The following AFAP1 variants were observed in gnomAD, a reference collection of about 807,000 sequenced individuals.
AFAP1 encodes actin filament associated protein 1.
A neutral mutation model predicts 93.9 loss-of-function variants in AFAP1; 75 were observed. The observed-to-expected ratio is 0.80, with a 90% CI of 0.66 to 0.97. The LOEUF (loss-of-function observed/expected upper bound fraction) is 0.97, where lower values mean the gene tolerates loss of function less well. Ranked by LOEUF, AFAP1 falls within the 50% of genes least tolerant of loss-of-function variation. The pLI, the probability that AFAP1 is intolerant of heterozygous loss-of-function variation, is 0.00. For missense variants in AFAP1, 1,201 were observed against 1,050.8 expected (o/e 1.14, Z -1.98); for synonymous variants, 517 against 430.7 (o/e 1.20, Z -2.48).
At chr4:7,875,552 G>A (rs1343517133) in intron 1 of AFAP1, among the ~76,000 whole-genome samples, 2 of 151,594 alleles carry the variant, frequency 1.3e-5, no homozygotes, top group Admixed American at 6.6e-5. Flanking sequence ...CCAGGAGTTC[G>A]AGGCTGCAGT....
intron 10 of AFAP1, among the ~76,000 whole-genome samples, chr4:7,795,347 C>CA (rs11371658): frequency 0.013 from 1,537 of 121,162 alleles, 31 homozygotes; most frequent in African/African-American, 0.045. Context: ...TGGATTAAAA[C>CA]AAAAAAAACC....
chr4:7,912,290 A>G (rs758054733), intron 1 of AFAP1, among the ~76,000 whole-genome samples: 1 of 152,216 alleles, frequency 6.6e-6, no homozygotes, highest in Admixed American at 6.5e-5. Flanking sequence ...GTGAAGGTTA[A>G]GTCTTCATTT....
chr4:7,810,699 G>A (rs1284258776), intron 8 of AFAP1, among the ~76,000 whole-genome samples: 1 of 152,204 alleles, frequency 6.6e-6, no homozygotes, highest in African/African-American at 2.4e-5. Flanking sequence ...AATGATGCCT[G>A]GCTTCCTTTG....
intron 5 of AFAP1, among the ~76,000 whole-genome samples, chr4:7,839,253 T>C (rs1387501509): frequency 6.6e-6 from 1 of 152,076 alleles, no homozygotes; most frequent in Non-Finnish European, 1.5e-5. Context: ...GGAGGATCCC[T>C]TGAGCCTGGG....
chr4:7,838,635 G>A lies in AFAP1; in HGVS notation c.615C>T (p.Tyr205=), dbSNP rs776761489. 10 of 1,614,040 alleles carry A rather than the reference G, an allele frequency of 6.2e-6. No homozygotes were observed. In the East Asian group the frequency reaches 1.1e-4, roughly 18 times the overall value. Residue 205 remains tyrosine (Y), a synonymous_variant, in exon 6 of 18, where the codon TAC becomes TAT. Coordinates refer to ENST00000420658, the MANE Select transcript of AFAP1 (RefSeq NM_001134647.2). ...ELPLQGCNIT[Y]IPKDSKKKKH... is the part of the protein sequence containing the mutation. ...TCTTCTTTTTGCTGTCTTTCGGGAT[G>A]TACGTAATGTTACAGCCTTGGAGTG...
At chr4:7,905,220 A>G (rs1560229626) in intron 1 of AFAP1, among the ~76,000 whole-genome samples, 1 of 152,224 alleles carries the variant, frequency 6.6e-6, no homozygotes, top group Non-Finnish European at 1.5e-5. Flanking sequence ...ATTTCAGCTC[A>G]AGCTGAAATC....
chr4:7,885,350 C>A (rs1404409279), intron 1 of AFAP1, among the ~76,000 whole-genome samples: 1 of 152,202 alleles, frequency 6.6e-6, no homozygotes, highest in Non-Finnish European at 1.5e-5. Flanking sequence ...GTATGCTTAA[C>A]CCTGTGTGTC....
chr4:7,795,102 T>C (rs1020055329), intron 10 of AFAP1, among the ~76,000 whole-genome samples: 1 of 152,322 alleles, frequency 6.6e-6, no homozygotes, highest in Non-Finnish European at 1.5e-5. Flanking sequence ...TATAAGTAAT[T>C]GTAAATATTC....
intron 1 of AFAP1, among the ~76,000 whole-genome samples, chr4:7,872,924 T>C (rs1717172147): frequency 1.4e-5 from 2 of 143,634 alleles, no homozygotes; most frequent in East Asian, 4.1e-4. Context: ...AGGTTTTTTT[T>C]CCTTTTTTTT....
intron 10 of AFAP1, among the ~76,000 whole-genome samples, chr4:7,799,900 C>T (rs1310290605): frequency 3.3e-5 from 5 of 152,228 alleles, no homozygotes; most frequent in Middle Eastern, 6.8e-3. Context: ...CCCAGGGCTC[C>T]GAAACAGCAA....
At chr4:7,802,050 C>CAA (rs1553832779) in intron 9 of AFAP1, among the ~76,000 whole-genome samples, 1 of 41,420 alleles carries the variant, frequency 2.4e-5, no homozygotes, top group African/African-American at 2.0e-4. Context: ...GCTATAAAGA[C>CAA]AAAAAAAGAG....
At chr4:7,869,634 C>A (rs1209433765) in intron 2 of AFAP1, among the ~76,000 whole-genome samples, 1 of 152,094 alleles carries the variant, frequency 6.6e-6, no homozygotes, top group African/African-American at 2.4e-5. Flanking sequence ...TTAATTTGGG[C>A]ACAGTACTAT....
chr4:7,765,308 C>G (rs766019319), intron 17 of AFAP1, among the ~76,000 whole-genome samples: 23 of 152,194 alleles, frequency 1.5e-4, no homozygotes, highest in Admixed American at 6.5e-4. Flanking sequence ...CCTGATGTCA[C>G]CTGGCCAGCC....
chr4:7,938,961 G>C (rs1454400526), intron 1 of AFAP1: 1 of 152,180 alleles, frequency 6.6e-6, no homozygotes, highest in Non-Finnish European at 1.5e-5. Context: ...CGCCGGGCAG[G>C]TGAGAGGATA....
rs191131081 is a variant in AFAP1, at chr4:7,888,905, C to T, written c.-2-16825G>A. On this transcript the variant is annotated intron_variant, in intron 1 of 17. Coordinates refer to ENST00000420658, the MANE Select transcript of AFAP1 (RefSeq NM_001134647.2). ...TCCCAAGTTCAAGAGACTCTCCAGA[C>T]TCAGCCTCCCAAGTAGCTGGGATTA... Among the ~76,000 whole-genome samples, 257 of 152,192 alleles carry T rather than the reference C, an allele frequency of 1.7e-3. 1 individual carries two copies. Among genetic ancestry groups the T allele is most frequent in the Non-Finnish European group, 3.2e-3 (218 of 68,014 alleles).
chr4:7,849,151 TC>T (rs763848004), intron 4 of AFAP1, among the ~76,000 whole-genome samples: 4 of 152,150 alleles, frequency 2.6e-5, no homozygotes, highest in Non-Finnish European at 4.4e-5. Flanking sequence ...CCTTTTCGTT[TC>T]AATGCACTGG....
Position 7,886,275 on chromosome 4 carries a change from A to T in AFAP1, c.-2-14195T>A, listed in dbSNP as rs752040946. ...CTACCAAGGCTGCAATGAACGTCTAAGGACTGCTGTAAATAAAAACCTCTG... is the reference window on the plus strand; with the variant it reads ...CTACCAAGGCTGCAATGAACGTCTATGGACTGCTGTAAATAAAAACCTCTG... On this transcript the variant is annotated intron_variant, in intron 1 of 17. Transcript: ENST00000420658. Among the ~76,000 whole-genome samples the T allele has an allele frequency of 7.9e-5, 12 of 152,354 alleles. 1 individual carries two copies. Among genetic ancestry groups the T allele is most frequent in the Non-Finnish European group, 1.6e-4 (11 of 68,028 alleles).
chr4:7,924,214 A>G (rs1347592282), intron 1 of AFAP1, among the ~76,000 whole-genome samples: 1 of 152,240 alleles, frequency 6.6e-6, no homozygotes, highest in African/African-American at 2.4e-5. Context: ...AGTTCCGTTT[A>G]TCTTTAAAAT....
chr4:7,793,343 G>A (rs953285805), intron 11 of AFAP1, among the ~76,000 whole-genome samples: 3 of 152,168 alleles, frequency 2.0e-5, no homozygotes, highest in Non-Finnish European at 4.4e-5. Flanking sequence ...TGCAAATAAA[G>A]TTTTATTAGA....
Sources: allele counts gnomAD v4.1 joint callset (sites outside exome capture counted in the v4.1 genomes callset), GRCh38; gene constraint gnomAD v4.1.1; transcripts MANE v1.5; gene names NCBI Gene and HGNC (gene_info 2026-07-23, HGNC 2026-07-21).